ARK2N: variants seen among roughly 807,000 people sequenced by gnomAD.
The protein encoded by ARK2N is arkadia (RNF111) N-terminal like PKA signaling regulator 2N.
the ARK2N span, among the ~76,000 whole-genome samples, chr18:46,201,041 A>G: frequency 7.0e-6 from 1 of 142,262 alleles, no homozygotes; most frequent in East Asian, 2.1e-4. Flanking sequence ...GTGCAGTAGT[A>G]TGATCACAGC....
At chr18:46,258,804 AT>A in the ARK2N span, among the ~76,000 whole-genome samples, 33 of 151,420 alleles carry the variant, frequency 2.2e-4, no homozygotes, top group East Asian at 1.7e-3. Context: ...ACATGAAACT[AT>A]TTTTTTTTAT....
the ARK2N span, among the ~76,000 whole-genome samples, chr18:46,223,480 G>A: frequency 1.3e-5 from 2 of 152,176 alleles, no homozygotes; most frequent in African/African-American, 4.8e-5. Context: ...TGGCCTGACT[G>A]ATTTAAACAT....
chr18:46,207,851 T>C, the ARK2N span, among the ~76,000 whole-genome samples: 1 of 152,232 alleles, frequency 6.6e-6, no homozygotes, highest in Non-Finnish European at 1.5e-5. Flanking sequence ...TACAGTACCC[T>C]GATTTCAACA....
chr18:46,251,128 C>T, the ARK2N span, among the ~76,000 whole-genome samples: 1 of 152,128 alleles, frequency 6.6e-6, no homozygotes. Context: ...ATAAAGTAAA[C>T]AGTAAAGACT....
chr18:46,250,968 G>T, the ARK2N span, among the ~76,000 whole-genome samples: 1 of 152,274 alleles, frequency 6.6e-6, no homozygotes, highest in South Asian at 2.1e-4. Context: ...CAGTTTTCAA[G>T]CCATGGTGCA....
the ARK2N span, among the ~76,000 whole-genome samples, chr18:46,219,691 T>C: frequency 0.016 from 2,486 of 152,174 alleles, 36 homozygotes; most frequent in Non-Finnish European, 0.026. Context: ...AGGATGGTCT[T>C]GATCTCCTGA....
the ARK2N span, among the ~76,000 whole-genome samples, chr18:46,255,109 T>C: frequency 6.6e-6 from 1 of 152,362 alleles, no homozygotes; most frequent in East Asian, 1.9e-4. Flanking sequence ...CTGTCTCTTA[T>C]ATAAAAGACA....
chr18:46,191,746 T>A, the ARK2N span, among the ~76,000 whole-genome samples: 1 of 152,194 alleles, frequency 6.6e-6, no homozygotes, highest in Non-Finnish European at 1.5e-5. Context: ...TGGGCAAATT[T>A]GCAATGACAT....
the ARK2N span, among the ~76,000 whole-genome samples, chr18:46,259,691 G>A: frequency 5.9e-5 from 9 of 151,912 alleles, no homozygotes; most frequent in African/African-American, 2.2e-4. Flanking sequence ...CTGCAGCCTC[G>A]ACCGCCAAGG....
the ARK2N span, among the ~76,000 whole-genome samples, chr18:46,190,688 GA>G: frequency 7.1e-6 from 1 of 140,546 alleles, no homozygotes; most frequent in Admixed American, 7.3e-5. Context: ...TTCATAGTAA[GA>G]TTATGCTGTA....
chr18:46,181,263 G>GA, the ARK2N span, among the ~76,000 whole-genome samples: 955 of 151,924 alleles, frequency 6.3e-3, 38 homozygotes, highest in East Asian at 0.1. Flanking sequence ...TCCCTCTCGG[G>GA]AGGTGGGGGG....
At chr18:46,240,070 G>A in the ARK2N span, 1 of 1,614,192 alleles carries the variant, frequency 6.2e-7, no homozygotes, top group Non-Finnish European at 8.5e-7. Context: ...AGTGGTAAAT[G>A]TGGACAATTT....
chr18:46,263,333 C>T, the ARK2N span: 8 of 455,140 alleles, frequency 1.8e-5, no homozygotes, highest in Middle Eastern at 5.9e-4. Flanking sequence ...TTCTTCTTTC[C>T]CTCAGTAGGA....
the ARK2N span, among the ~76,000 whole-genome samples, chr18:46,222,626 T>C: frequency 6.6e-6 from 1 of 152,176 alleles, no homozygotes. Flanking sequence ...TTTCTCAAAA[T>C]AGGATATATC....
chr18:46,183,130 G>C, the ARK2N span, among the ~76,000 whole-genome samples: 2 of 152,014 alleles, frequency 1.3e-5, no homozygotes, highest in Admixed American at 6.6e-5. Flanking sequence ...TCAGTGTTCA[G>C]ATTTCCCTCT....
At chr18:46,206,045 A>G in the ARK2N span, among the ~76,000 whole-genome samples, 7 of 151,354 alleles carry the variant, frequency 4.6e-5, no homozygotes, top group African/African-American at 1.7e-4. Flanking sequence ...CTGTGTTATG[A>G]GGATTATCCA....
the ARK2N span, among the ~76,000 whole-genome samples, chr18:46,259,097 C>T: frequency 5.3e-5 from 8 of 152,110 alleles, no homozygotes; most frequent in African/African-American, 1.7e-4. Context: ...TGTTTGAGAT[C>T]ATTAAAGTAA....
chr18:46,217,700 T>G, the ARK2N span: 1 of 152,202 alleles, frequency 6.6e-6, no homozygotes, highest in Admixed American at 6.5e-5. Flanking sequence ...ACTTTATAGG[T>G]GTTCAAGTTC....
chr18:46,254,615 A>G, the ARK2N span, among the ~76,000 whole-genome samples: 4 of 152,240 alleles, frequency 2.6e-5, no homozygotes, highest in Non-Finnish European at 2.9e-5. Flanking sequence ...ATTTTAGTCT[A>G]TAAATAAAGT....
Sources: allele counts gnomAD v4.1 joint callset (sites outside exome capture counted in the v4.1 genomes callset), GRCh38; gene constraint gnomAD v4.1.1; transcripts MANE v1.5; gene names NCBI Gene and HGNC (gene_info 2026-07-23, HGNC 2026-07-21).